CTNNA3: variants seen among roughly 807,000 people sequenced by gnomAD.
CTNNA3 encodes the protein catenin alpha-3.
In CTNNA3, 76 loss-of-function variants were observed where a neutral mutation model predicts 95.7. The observed-to-expected ratio is 0.79, with a 90% CI of 0.66 to 0.96. The LOEUF is 0.96. Among genes scored for constraint, CTNNA3 ranks in the 40% least tolerant of loss-of-function variants. The probability of loss-of-function intolerance (pLI) is 0.00; values close to 1 mark genes in which losing one functional copy is unlikely to be tolerated. For missense variants in CTNNA3, 1,191 were observed against 1,089.8 expected (o/e 1.09, Z -1.31); for synonymous variants, 431 against 374.4 (o/e 1.15, Z -1.74).
intron 5 of CTNNA3, among the ~76,000 whole-genome samples, chr10:67,497,382 C>T (rs1015458981): frequency 4.6e-5 from 7 of 151,962 alleles, no homozygotes; most frequent in Middle Eastern, 3.2e-3. Flanking sequence ...GAACAGTGCT[C>T]CCATAAACAT....
At chr10:66,935,567 G>A (rs775995687) in intron 7 of CTNNA3, among the ~76,000 whole-genome samples, 55 of 151,960 alleles carry the variant, frequency 3.6e-4, no homozygotes, top group Admixed American at 5.9e-4. Context: ...TTCTAATATG[G>A]CAGAGGACAT....
chr10:67,415,119 C>G (rs1013718386), intron 5 of CTNNA3, among the ~76,000 whole-genome samples: 8 of 152,158 alleles, frequency 5.3e-5, no homozygotes, highest in African/African-American at 1.9e-4. Context: ...CCTACTCTCA[C>G]CACTTCTCTT....
At chr10:66,829,100 C>T (rs1205637939) in intron 7 of CTNNA3, among the ~76,000 whole-genome samples, 1 of 152,172 alleles carries the variant, frequency 6.6e-6, no homozygotes, top group Non-Finnish European at 1.5e-5. Context: ...GGAAGGATAT[C>T]CTTGGGCCAC....
intron 13 of CTNNA3, among the ~76,000 whole-genome samples, chr10:66,155,985 G>T (rs2084486107): frequency 6.6e-6 from 1 of 151,824 alleles, no homozygotes; most frequent in South Asian, 2.1e-4. Context: ...CTTTATCAAA[G>T]AATATATCCA....
chr10:66,948,461 T>C (rs1848382162), intron 7 of CTNNA3, among the ~76,000 whole-genome samples: 3 of 152,250 alleles, frequency 2.0e-5, no homozygotes, highest in African/African-American at 7.2e-5. Context: ...GACCTGTTAC[T>C]ACATGTGTTA....
intron 5 of CTNNA3, among the ~76,000 whole-genome samples, chr10:67,223,766 A>G (rs1000915513): frequency 6.6e-6 from 1 of 152,202 alleles, no homozygotes; most frequent in Non-Finnish European, 1.5e-5. Context: ...CTGAGCCTCG[A>G]CTTTGCATCA....
At chr10:66,641,474 A>G (rs1845515203) in intron 9 of CTNNA3, among the ~76,000 whole-genome samples, 2 of 152,134 alleles carry the variant, frequency 1.3e-5, no homozygotes, top group African/African-American at 4.8e-5. Context: ...GAGATAATAA[A>G]TGATTGTTGT....
At chr10:67,347,893 G>C (rs1842493339) in intron 5 of CTNNA3, among the ~76,000 whole-genome samples, 1 of 150,148 alleles carries the variant, frequency 6.7e-6, no homozygotes. Context: ...ACATTCTGTG[G>C]CATTTGTTTT....
intron 13 of CTNNA3, among the ~76,000 whole-genome samples, chr10:66,253,370 CT>C (rs1449670908): frequency 6.6e-6 from 1 of 151,770 alleles, no homozygotes; most frequent in African/African-American, 2.4e-5. Context: ...CACCCTCCCT[CT>C]TTTTTTCAAG....
intron 13 of CTNNA3, among the ~76,000 whole-genome samples, chr10:66,252,908 T>C (rs532992212): frequency 6.6e-6 from 1 of 152,304 alleles, no homozygotes; most frequent in East Asian, 1.9e-4. Flanking sequence ...AACAACTTTT[T>C]GGGAGATAGA....
chr10:66,838,799 C>G (rs1422433660), intron 7 of CTNNA3, among the ~76,000 whole-genome samples: 1 of 152,176 alleles, frequency 6.6e-6, no homozygotes, highest in African/African-American at 2.4e-5. Flanking sequence ...TGAATAAACA[C>G]TGAGCAAAAT....
chr10:67,672,770 G>T (rs893063047), intron 1 of CTNNA3, among the ~76,000 whole-genome samples: 1 of 152,150 alleles, frequency 6.6e-6, no homozygotes, highest in Non-Finnish European at 1.5e-5. Flanking sequence ...TAGCCTTGTA[G>T]TATAGTTTGA....
At chr10:66,053,899 A>G (rs2080016233) in intron 15 of CTNNA3, among the ~76,000 whole-genome samples, 1 of 152,026 alleles carries the variant, frequency 6.6e-6, no homozygotes, top group Non-Finnish European at 1.5e-5. Flanking sequence ...CATTAACCAC[A>G]TCTCATTTTT....
At chr10:67,430,117 C>T (rs970903151) in intron 5 of CTNNA3, among the ~76,000 whole-genome samples, 6 of 151,970 alleles carry the variant, frequency 3.9e-5, no homozygotes, top group South Asian at 2.1e-4. Context: ...TCAAGCAATG[C>T]TACTTGGCTC....
chr10:66,337,343 A>T (rs1183859243), intron 12 of CTNNA3, among the ~76,000 whole-genome samples: 1 of 152,154 alleles, frequency 6.6e-6, no homozygotes, highest in Non-Finnish European at 1.5e-5. Flanking sequence ...CAAACGGATA[A>T]GTACAGATAC....
At chr10:67,387,037 C>T (rs958015272) in intron 5 of CTNNA3, among the ~76,000 whole-genome samples, 1 of 152,102 alleles carries the variant, frequency 6.6e-6, no homozygotes, top group Non-Finnish European at 1.5e-5. Context: ...ACAAGAAGCC[C>T]GTTAGTTGAG....
intron 17 of CTNNA3, among the ~76,000 whole-genome samples, chr10:65,951,607 G>A (rs2077614413): frequency 6.6e-6 from 1 of 152,010 alleles, no homozygotes; most frequent in Non-Finnish European, 1.5e-5. Context: ...AGCAGGGTAT[G>A]CTAATACCAC....
chr10:66,718,312 T>G (rs2132627520), intron 9 of CTNNA3, among the ~76,000 whole-genome samples: 1 of 152,230 alleles, frequency 6.6e-6, no homozygotes, highest in African/African-American at 2.4e-5. Context: ...GGCATCAGTC[T>G]CAGGCATCAC....
At chr10:66,668,430 G>A (rs1057186577) in intron 9 of CTNNA3, among the ~76,000 whole-genome samples, 17 of 151,504 alleles carry the variant, frequency 1.1e-4, no homozygotes, top group African/African-American at 3.4e-4. Context: ...ATATGTGTGT[G>A]TGTGTGTGTG....
Sources: allele counts gnomAD v4.1 joint callset (sites outside exome capture counted in the v4.1 genomes callset), GRCh38; gene constraint gnomAD v4.1.1; transcripts MANE v1.5; gene names NCBI Gene and HGNC (gene_info 2026-07-23, HGNC 2026-07-21).